ABI1: variants seen among roughly 807,000 people sequenced by gnomAD.
ABI1 encodes the protein Abelson interactor 1.
Under a neutral mutation model 54.6 loss-of-function variants are expected in ABI1, and 14 were observed. The ratio of observed to expected loss-of-function variants is 0.26; its 90% confidence interval spans 0.17 to 0.40. ABI1 has a LOEUF of 0.40. Ranked by LOEUF, ABI1 falls within the 10% of genes least tolerant of loss-of-function variation. ABI1 has a pLI of 1.00. For synonymous variants in ABI1, 194 were observed against 209.3 expected (o/e 0.93, Z 0.63); for missense variants, 443 against 598.3 (o/e 0.74, Z 2.71).
At chr10:26,780,791 G>A (rs1842008422) in intron 2 of ABI1, among the ~76,000 whole-genome samples, 1 of 152,144 alleles carries the variant, frequency 6.6e-6, no homozygotes, top group African/African-American at 2.4e-5. Context: ...GGAGCCCAAG[G>A]CACCTTCATA....
chr10:26,795,380 A>G (rs192453954), intron 2 of ABI1, among the ~76,000 whole-genome samples: 1 of 152,302 alleles, frequency 6.6e-6, no homozygotes, highest in East Asian at 1.9e-4. Flanking sequence ...TTAACACAGT[A>G]CTAGAAGTAC....
In ABI1 at chr10:26,748,500, G is replaced by A. The variant is rs1414142833; in HGVS notation, c.*70C>T. ...GCACATTTTAAAACATATTAAGACAGTTCTGTTAACCATAATAGTCCCACA... is the reference window on the plus strand; with the variant it reads ...GCACATTTTAAAACATATTAAGACAATTCTGTTAACCATAATAGTCCCACA... On this transcript the variant is annotated 3_prime_UTR_variant, in exon 11 of 11. Transcript: ENST00000376140. 1 of 1,192,954 alleles carries A rather than the reference G, an allele frequency of 8.4e-7. No individual in the cohort carries two copies. The highest frequency in any genetic ancestry group is 1.5e-5 in the African/African-American group (1 of 65,102). 73.9% of individuals were successfully genotyped at this position (1,192,954 alleles called of 1,614,324 possible). A position where few individuals can be genotyped will look rare whatever the true frequency, so the allele number is the denominator to read the frequency against.
intron 9 of ABI1, among the ~76,000 whole-genome samples, chr10:26,754,298 T>C (rs562600369): frequency 1.3e-5 from 2 of 152,262 alleles, no homozygotes; most frequent in African/African-American, 2.4e-5. Flanking sequence ...TACAGGCACA[T>C]GCCACTACAC....
At chr10:26,791,832 GA>G (rs968082424) in intron 2 of ABI1, among the ~76,000 whole-genome samples, 1 of 152,014 alleles carries the variant, frequency 6.6e-6, no homozygotes, top group African/African-American at 2.4e-5. Flanking sequence ...CAAACCATAG[GA>G]AAAAACTAAT....
intron 2 of ABI1, among the ~76,000 whole-genome samples, chr10:26,798,479 A>T (rs1348990090): frequency 6.6e-6 from 1 of 152,144 alleles, no homozygotes; most frequent in African/African-American, 2.4e-5. Flanking sequence ...CTAGAAGCTG[A>T]AAAAAGGCAA....
At chr10:26,754,504 G>A (rs988423422) in intron 9 of ABI1, among the ~76,000 whole-genome samples, 10 of 152,162 alleles carry the variant, frequency 6.6e-5, no homozygotes, top group African/African-American at 2.2e-4. Flanking sequence ...TTTCCTGAAG[G>A]AAGGGGCTTT....
intron 1 of ABI1, among the ~76,000 whole-genome samples, chr10:26,831,483 C>T (rs1286932513): frequency 6.6e-6 from 1 of 152,082 alleles, no homozygotes. Flanking sequence ...GCGGAGCTTG[C>T]AGTGAGCCGA....
chr10:26,829,541 A>G (rs1189138350), intron 1 of ABI1, among the ~76,000 whole-genome samples: 3 of 152,354 alleles, frequency 2.0e-5, no homozygotes, highest in Middle Eastern at 3.4e-3. Context: ...TCCACAATGT[A>G]TGCACATTTC....
At position 26,809,091 on chromosome 10, in the gene ABI1, G is replaced by A. The variant is rs143459438; in HGVS notation, c.285+14047C>T. Among the ~76,000 whole-genome samples, 630 of 152,110 alleles carry A rather than the reference G, an allele frequency of 4.1e-3. 8 individuals are homozygous for A. Among genetic ancestry groups the A allele is most frequent in the African/African-American group, 0.015 (611 of 41,494 alleles). On this transcript the variant is annotated intron_variant, in intron 2 of 10. Transcript: ENST00000376140. Reference sequence around the variant, plus strand: ...TTGAGACCAGCCTGGCCAACATGGTGAAACCTCGTCTCTACCAAAAATACA... The same window carrying A: ...TTGAGACCAGCCTGGCCAACATGGTAAAACCTCGTCTCTACCAAAAATACA...
At chr10:26,763,587 C>T (rs1316157089) in intron 7 of ABI1, among the ~76,000 whole-genome samples, 8 of 151,160 alleles carry the variant, frequency 5.3e-5, no homozygotes, top group South Asian at 2.1e-4. Flanking sequence ...TTCACTTGTG[C>T]GGGGCAGGGG....
chr10:26,852,405 G>C (rs1220960237), intron 1 of ABI1, among the ~76,000 whole-genome samples: 1 of 152,136 alleles, frequency 6.6e-6, no homozygotes, highest in African/African-American at 2.4e-5. Flanking sequence ...ATTGAACCCA[G>C]GAGGCAGAAG....
intron 2 of ABI1, among the ~76,000 whole-genome samples, chr10:26,785,074 T>C (rs893791014): frequency 1.3e-5 from 2 of 152,220 alleles, no homozygotes; most frequent in African/African-American, 4.8e-5. Flanking sequence ...CATCCTGCTA[T>C]CCTGTTGACA....
chr10:26,757,346 T>C (rs1838445818), intron 8 of ABI1, among the ~76,000 whole-genome samples: 1 of 152,152 alleles, frequency 6.6e-6, no homozygotes, highest in Admixed American at 6.5e-5. Context: ...AATTAAAGTA[T>C]ACGGTTTGAA....
At position 26,800,795 on chromosome 10, in the gene ABI1, T is replaced by C. The variant is rs1033072291; in HGVS notation, c.285+22343A>G. ...CCTGTCATCCCAGCACTTTGGGAGG[T>C]CGGGAGTTCGAGACCAGCCTTACCA... On this transcript the variant is annotated intron_variant, in intron 2 of 10. Transcript: ENST00000376140. 5.3e-5 allele frequency among the ~76,000 whole-genome samples: 8 copies of C among 151,664 alleles called. 1 individual carries two copies. The highest frequency in any genetic ancestry group is 1.9e-4 in the African/African-American group (8 of 41,274).
In ABI1 at chr10:26,860,632, C is replaced by G. The variant is rs1589117328; in HGVS notation, c.117+115G>C. The G allele has an allele frequency of 2.5e-6, 2 of 807,360 alleles. No individual in the cohort carries two copies. The highest frequency in any genetic ancestry group is 1.5e-5 in the South Asian group (1 of 67,442). 50.0% of individuals were successfully genotyped at this position (807,360 alleles called of 1,614,324 possible). A position where few individuals can be genotyped will look rare whatever the true frequency, so the allele number is the denominator to read the frequency against. ...GCTGGGGTTGGGGCTGCGGTAGGGG[C>G]TCGGGTTGGTGGCAGCCGCTGAGGT... On this transcript the variant is annotated intron_variant, in intron 1 of 10. Coordinates refer to ENST00000376140, the MANE Select transcript of ABI1 (RefSeq NM_001012750.3). This position sits in a 1 kb window ranked among gnomAD's most constrained non-coding sequence, Gnocchi z 4.1.
At chr10:26,838,995 C>T (rs2134027209) in intron 1 of ABI1, among the ~76,000 whole-genome samples, 1 of 152,206 alleles carries the variant, frequency 6.6e-6, no homozygotes, top group African/African-American at 2.4e-5. Flanking sequence ...CTGCATACCG[C>T]ATGAATTTTA....
chr10:26,774,285 G>T (rs956712419), intron 3 of ABI1, among the ~76,000 whole-genome samples: 3 of 151,856 alleles, frequency 2.0e-5, no homozygotes, highest in Non-Finnish European at 4.4e-5. Flanking sequence ...TTTATCCAAG[G>T]TTGGCTAAAT....
intron 10 of ABI1, 50 bp from the exon 11 acceptor site, chr10:26,748,795 T>TCAAG: frequency 7.6e-7 from 1 of 1,321,762 alleles, no homozygotes; most frequent in Non-Finnish European, 1.0e-6. Flanking sequence ...TATCCAAAAT[T>TCAAG]TACTTGAATT....
intron 2 of ABI1, among the ~76,000 whole-genome samples, chr10:26,803,018 T>G (rs755855883): frequency 2.6e-5 from 4 of 152,134 alleles, no homozygotes; most frequent in Non-Finnish European, 5.9e-5. Context: ...ATAGAAGTAC[T>G]AGGAAAAATC....
Sources: allele counts gnomAD v4.1 joint callset (sites outside exome capture counted in the v4.1 genomes callset), GRCh38; gene constraint gnomAD v4.1.1; non-coding constraint Gnocchi (gnomAD v3.1); transcripts MANE v1.5; gene names NCBI Gene and HGNC (gene_info 2026-07-23, HGNC 2026-07-21).